Variants in SNX8 observed in about 807,000 individuals in gnomAD.
SNX8 encodes sorting nexin-8.
Under a neutral mutation model 51.6 loss-of-function variants are expected in SNX8, and 25 were observed. The ratio of observed to expected loss-of-function variants is 0.48; its 90% CI spans 0.35 to 0.68. The LOEUF (loss-of-function observed/expected upper bound fraction) is 0.68, where lower values mean the gene tolerates loss of function less well. SNX8 is among the 30% of genes least tolerant of loss of function. The pLI, the probability that SNX8 is intolerant of heterozygous loss-of-function variation, is 0.00. For synonymous variants in SNX8, 324 were observed against 277.0 expected (o/e 1.17, Z -1.68); for missense variants, 695 against 624.0 (o/e 1.11, Z -1.21).
At chr7:2,335,664 G>C (rs531856973) in intron 1 of SNX8, among the ~76,000 whole-genome samples, 140 of 152,006 alleles carry the variant, frequency 9.2e-4, no homozygotes, top group African/African-American at 3.2e-3. Flanking sequence ...TTAGCTGGGC[G>C]TGGTGGCAGG....
At chr7:2,333,433 G>A (rs911680516) in intron 1 of SNX8, among the ~76,000 whole-genome samples, 5 of 151,150 alleles carry the variant, frequency 3.3e-5, no homozygotes, top group South Asian at 2.1e-4. Context: ...GGTGGTGTGC[G>A]CGCCTGTAGT....
intron 1 of SNX8, among the ~76,000 whole-genome samples, chr7:2,331,705 A>AAAATAAATAAATAAATAAATAAAT (rs61385746): frequency 6.9e-6 from 1 of 145,492 alleles, no homozygotes; most frequent in African/African-American, 2.5e-5. Context: ...ACTCCGTCTC[A>AAAATAAATAAATAAATAAATAAAT]AAATAAATAA....
intron 7 of SNX8, among the ~76,000 whole-genome samples, chr7:2,262,035 T>C (rs181609932): frequency 2.6e-5 from 4 of 152,276 alleles, no homozygotes; most frequent in African/African-American, 9.6e-5. Context: ...TTCACAACTA[T>C]GTCCACTTTT....
chr7:2,324,983 C>T (rs1778598404), intron 1 of SNX8, among the ~76,000 whole-genome samples: 1 of 147,836 alleles, frequency 6.8e-6, no homozygotes, highest in Non-Finnish European at 1.5e-5. Flanking sequence ...GTGGCACACG[C>T]CTGTAGTCCC....
intron 1 of SNX8, among the ~76,000 whole-genome samples, chr7:2,283,406 C>T (rs1055974151): frequency 2.0e-5 from 3 of 152,214 alleles, no homozygotes; most frequent in Non-Finnish European, 4.4e-5. Context: ...GCTCCAGGTC[C>T]GCGCCGCCCA....
intron 1 of SNX8, among the ~76,000 whole-genome samples, chr7:2,282,776 A>G (rs1426798178): frequency 1.3e-5 from 2 of 152,208 alleles, no homozygotes; most frequent in East Asian, 3.9e-4. Context: ...CAGGAGTTTG[A>G]GGCCTGCCTG....
intron 1 of SNX8, among the ~76,000 whole-genome samples, chr7:2,306,952 C>T (rs989648986): frequency 2.0e-5 from 3 of 149,246 alleles, no homozygotes; most frequent in African/African-American, 7.3e-5. Context: ...TGAGTTTCTC[C>T]GGCCCCTACA....
chr7:2,282,884 G>A (rs548707310), intron 1 of SNX8, among the ~76,000 whole-genome samples: 2 of 152,310 alleles, frequency 1.3e-5, no homozygotes, highest in African/African-American at 4.8e-5. Flanking sequence ...CACTTTGGCA[G>A]GCCGAGGCGG....
intron 1 of SNX8, among the ~76,000 whole-genome samples, chr7:2,289,063 G>T (rs571730153): frequency 6.6e-6 from 1 of 152,206 alleles, no homozygotes; most frequent in East Asian, 1.9e-4. Context: ...AACCACGGTC[G>T]AAAGTCAGTT....
At chr7:2,272,092 A>G (rs976366331) in intron 3 of SNX8, 121 bp from the exon 4 acceptor site, 10 of 1,372,158 alleles carry the variant, frequency 7.3e-6, no homozygotes, top group Admixed American at 2.1e-5. Context: ...AGCAGAGGGC[A>G]CTGGCTGGGC....
At chr7:2,284,396 C>CTTTTTTTT (rs751803296) in intron 1 of SNX8, among the ~76,000 whole-genome samples, 6 of 88,904 alleles carry the variant, frequency 6.7e-5, no homozygotes, top group Non-Finnish European at 8.2e-5. Context: ...CTTTTATTTC[C>CTTTTTTTT]TTTTTTTTTT....
intron 2 of SNX8, 124 bp downstream of exon 2, chr7:2,277,976 T>C: frequency 1.4e-6 from 2 of 1,442,704 alleles, no homozygotes; most frequent in Non-Finnish European, 1.8e-6. Context: ...GGATCTTGCC[T>C]GTAAGCCAGC....
chr7:2,260,515 C>A (rs1328581779), intron 7 of SNX8, among the ~76,000 whole-genome samples: 1 of 152,100 alleles, frequency 6.6e-6, no homozygotes, highest in African/African-American at 2.4e-5. Flanking sequence ...TTAACCAAGG[C>A]GAAGATCCCG....
rs760838410 is a variant in SNX8, at chr7:2,256,977, A to T, written c.1181T>A (p.Leu394Gln). The change falls in exon 10 of 11, where the codon CTG becomes CAG. Residue 394 changes from leucine (L) to glutamine (Q), a missense_variant. By Grantham distance (113) the Leu-to-Gln change is moderately radical. Coordinates refer to ENST00000222990, the MANE Select transcript of SNX8 (RefSeq NM_013321.4). The stretch of plus-strand genomic sequence containing the variant: ...CTGCGTCTCCTGGTGCAGGCAGTAC[A>T]GGGAGAAGTAGTTCCGCAGCTCCAT... ...QTMELRNYFS[L>Q]YCLHQETQLI... 1 of 1,613,098 alleles carries T rather than the reference A, an allele frequency of 6.2e-7. No individual in the cohort carries two copies. The highest frequency in any genetic ancestry group is 1.3e-5 in the African/African-American group (1 of 75,026).
At position 2,323,803 on chromosome 7, in the gene SNX8, T is replaced by C. The variant is rs73043282; in HGVS notation, c.-66+30419A>G. 9.2e-3 allele frequency among the ~76,000 whole-genome samples: 1,397 copies of C among 152,262 alleles called. 4 individuals carry two copies. The highest frequency in any genetic ancestry group is 0.015 in the Non-Finnish European group (1,034 of 68,020). On this transcript the variant is annotated intron_variant, in intron 1 of 5. Transcript: ENST00000435336. ...AATGCGTACTAGGAACTGAGTCTTC[T>C]TGGTTTTTTGTTTTTGTTTTGAGAC...
At position 2,304,435 on chromosome 7, in the gene SNX8, T is replaced by A. The variant is rs1460880387; in HGVS notation, c.94+9893A>T. ...GGCGGGCGCCTGTAGTCCCAGCTAC[T>A]CGGGAGGCTGAGGCAGGAGAATGGC... On this transcript the variant is annotated intron_variant, in intron 1 of 10. Transcript: ENST00000222990. Among the ~76,000 whole-genome samples the A allele has an allele frequency of 3.3e-5, 5 of 151,386 alleles. No homozygotes were observed. In the East Asian group the frequency reaches 5.8e-4, roughly 18 times the overall value.
intron 1 of SNX8, among the ~76,000 whole-genome samples, chr7:2,332,523 G>A (rs935146456): frequency 4.6e-5 from 7 of 152,098 alleles, no homozygotes; most frequent in African/African-American, 1.7e-4. Context: ...GAAGGTCGAA[G>A]TAGGAGTATC....
chr7:2,287,012 A>C (rs1050332284), intron 1 of SNX8, among the ~76,000 whole-genome samples: 2 of 150,848 alleles, frequency 1.3e-5, no homozygotes, highest in Non-Finnish European at 3.0e-5. Flanking sequence ...GGTGGTGGGC[A>C]CCTGTAATCC....
intron 1 of SNX8, among the ~76,000 whole-genome samples, chr7:2,332,375 C>A (rs1354623967): frequency 6.6e-6 from 1 of 152,020 alleles, no homozygotes; most frequent in Non-Finnish European, 1.5e-5. Flanking sequence ...AGTCCTAATC[C>A]TAGCATGATT....
Sources: gnomAD v4.1 joint callset for allele counts (sites outside exome capture counted in the v4.1 genomes callset) on GRCh38, gnomAD v4.1.1 for gene constraint, MANE v1.5 for transcripts, NCBI Gene and HGNC (gene_info 2026-07-23, HGNC 2026-07-21) for gene names.